Variants in PRRC1 observed in about 807,000 individuals in gnomAD.
PRRC1 encodes protein PRRC1.
PRRC1 carries 39 observed loss-of-function variants against 40.7 expected under a neutral mutation model. That is an observed-to-expected ratio of 0.96 (90% CI 0.74 to 1.25). The LOEUF is 1.25. Among genes scored for constraint, PRRC1 ranks in the 50% most tolerant of loss-of-function variants. The pLI is 0.00. For synonymous variants in PRRC1, 175 were observed against 193.3 expected (o/e 0.91, Z 0.79); for missense variants, 573 against 548.3 (o/e 1.05, Z -0.45).
At position 127,523,442 on chromosome 5, in the gene PRRC1, A is replaced by G. The variant is rs761373646; in HGVS notation, c.-20-18A>G. 3 of 1,288,094 alleles carry G rather than the reference A, an allele frequency of 2.3e-6. No individual in the cohort carries two copies. Among genetic ancestry groups the G allele is most frequent in the Non-Finnish European group, 3.3e-6 (3 of 912,078 alleles). 79.8% of individuals were successfully genotyped at this position (1,288,094 alleles called of 1,614,324 possible). A position where few individuals can be genotyped will look rare whatever the true frequency, so the allele number is the denominator to read the frequency against. Reference sequence around the variant, plus strand: ...TTGGTTACTGTGTAATATTTGTTACATTTTTGTGTTTTTATAGTATACCAT... The same window carrying G: ...TTGGTTACTGTGTAATATTTGTTACGTTTTTGTGTTTTTATAGTATACCAT... On this transcript the variant is annotated intron_variant, in intron 1 of 8. Transcript: ENST00000296666.
chr5:127,530,777 CTA>C (rs1270725175), intron 5 of PRRC1, among the ~76,000 whole-genome samples: 2 of 143,554 alleles, frequency 1.4e-5, no homozygotes, highest in Non-Finnish European at 3.1e-5. Flanking sequence ...CTCCTGTTAT[CTA>C]TTTTAATTAA....
chr5:127,539,037 T>G lies in PRRC1; in HGVS notation c.922-3T>G. 3 of 1,611,388 alleles carry G rather than the reference T, an allele frequency of 1.9e-6. No homozygotes were observed. The highest frequency in any genetic ancestry group is 1.1e-5 in the South Asian group (1 of 90,948). Reference sequence around the variant, plus strand: ...GTCTCTAACCTCTGCCATTGTTGTTTAGGGTGCTCAGGAACGGATAGATAG... The same window carrying G: ...GTCTCTAACCTCTGCCATTGTTGTTGAGGGTGCTCAGGAACGGATAGATAG... On this transcript the variant is annotated splice_polypyrimidine_tract_variant and splice_region_variant and intron_variant, in intron 6 of 8. Coordinates refer to ENST00000296666, the MANE Select transcript of PRRC1 (RefSeq NM_130809.5).
In PRRC1 at chr5:127,552,179, A is replaced by G. The variant is rs1768410714; in HGVS notation, c.*263A>G. 1 of 1,210,210 alleles carries G rather than the reference A, an allele frequency of 8.3e-7. No individual in the cohort carries two copies. Among genetic ancestry groups the G allele is most frequent in the African/African-American group, 1.5e-5 (1 of 65,234 alleles). 75.0% of individuals were successfully genotyped at this position (1,210,210 alleles called of 1,614,324 possible). A position where few individuals can be genotyped will look rare whatever the true frequency, so the allele number is the denominator to read the frequency against. On this transcript the variant is annotated 3_prime_UTR_variant, in exon 9 of 9. Coordinates refer to ENST00000296666, the MANE Select transcript of PRRC1 (RefSeq NM_130809.5). The stretch of plus-strand genomic sequence containing the variant: ...TACAAATCTATTTACAGCACAATTT[A>G]ATATACCAGATTTATAAGGTGGAAA...
chr5:127,548,301 T>C, intron 8 of PRRC1: 2 of 388,684 alleles, frequency 5.1e-6, no homozygotes, highest in South Asian at 7.6e-5. Context: ...CCCTTTTCCT[T>C]GATTGATTGT....
chr5:127,546,029 T>G (rs921070693), intron 7 of PRRC1, among the ~76,000 whole-genome samples: 1 of 152,222 alleles, frequency 6.6e-6, no homozygotes, highest in Non-Finnish European at 1.5e-5. Flanking sequence ...CTTCAAAACT[T>G]GCTTCTGGCC....
chr5:127,527,838 C>T (rs371580388), intron 4 of PRRC1, among the ~76,000 whole-genome samples: 3 of 150,972 alleles, frequency 2.0e-5, no homozygotes, highest in Non-Finnish European at 4.4e-5. Flanking sequence ...TTTTTTCCTC[C>T]GAATTAATTC....
chr5:127,531,617 C>CTTTTTTTTTTTTTTTTTTTTTTTTTTTT (rs60179366), intron 5 of PRRC1, among the ~76,000 whole-genome samples: 4 of 99,680 alleles, frequency 4.0e-5, no homozygotes, highest in African/African-American at 1.9e-4. Flanking sequence ...TCTTCTTCTT[C>CTTTTTTTTTTTTTTTTTTTTTTTTTTTT]TTTTTTTTTT....
At chr5:127,529,696 A>T (rs1561681406) in intron 4 of PRRC1, among the ~76,000 whole-genome samples, 1 of 152,134 alleles carries the variant, frequency 6.6e-6, no homozygotes, top group African/African-American at 2.4e-5. Flanking sequence ...TTTAGTAGTA[A>T]CGGCTCTAAG....
At position 127,530,685 on chromosome 5, in the gene PRRC1, A is replaced by G. The variant is rs73786123; in HGVS notation, c.757+289A>G. ...ATTTTAATTTTAAATATAGGTTAGCATTGCTTTATATGAATTTTACTTTAT... is the reference window on the plus strand; with the variant it reads ...ATTTTAATTTTAAATATAGGTTAGCGTTGCTTTATATGAATTTTACTTTAT... On this transcript the variant is annotated intron_variant, in intron 5 of 8. Coordinates refer to ENST00000296666, the MANE Select transcript of PRRC1 (RefSeq NM_130809.5). 6.2e-3 allele frequency among the ~76,000 whole-genome samples: 944 copies of G among 151,714 alleles called. 10 individuals carry two copies. The highest frequency in any genetic ancestry group is 0.022 in the African/African-American group (907 of 41,382).
chr5:127,544,986 A>AT (rs2127113630), intron 7 of PRRC1, among the ~76,000 whole-genome samples: 1 of 152,296 alleles, frequency 6.6e-6, no homozygotes, highest in East Asian at 1.9e-4. Context: ...TCACGCTGGG[A>AT]GCTGTAGACA....
chr5:127,518,917 ATTGTT>A (rs1767387158), intron 1 of PRRC1, among the ~76,000 whole-genome samples: 1 of 152,102 alleles, frequency 6.6e-6, no homozygotes, highest in Admixed American at 6.6e-5. Context: ...ACACTTCAGT[ATTGTT>A]TTATCATAAT....
chr5:127,549,766 G>A (rs1014071355), intron 8 of PRRC1: 2 of 152,092 alleles, frequency 1.3e-5, no homozygotes, highest in Non-Finnish European at 2.9e-5. Context: ...CTTACTTATT[G>A]TTTATAGCTG....
intron 5 of PRRC1, 139 bp from the exon 6 acceptor site, chr5:127,533,484 A>G: frequency 2.6e-6 from 2 of 777,280 alleles, no homozygotes; most frequent in Admixed American, 3.1e-5. Flanking sequence ...CATATAAAAA[A>G]GATAATGATC....
intron 7 of PRRC1, among the ~76,000 whole-genome samples, chr5:127,544,764 T>A (rs1768163603): frequency 6.6e-6 from 1 of 152,084 alleles, no homozygotes. Context: ...AGTGACCCGA[T>A]TTTCCAGGTT....
chr5:127,538,233 CCTT>C (rs1389835223), intron 6 of PRRC1, among the ~76,000 whole-genome samples: 1 of 151,948 alleles, frequency 6.6e-6, no homozygotes, highest in Admixed American at 6.6e-5. Flanking sequence ...TGTGTCCTAG[CCTT>C]CTTAATTTTC....
intron 6 of PRRC1, 28 bp downstream of exon 6, chr5:127,533,814 C>T: frequency 6.2e-7 from 1 of 1,609,536 alleles, no homozygotes; most frequent in South Asian, 1.1e-5. Flanking sequence ...ATTTTCAGGA[C>T]ATGGAAACTG....
At chr5:127,525,028 A>C (rs911711377) in intron 3 of PRRC1, 108 bp downstream of exon 3, 54 of 1,112,078 alleles carry the variant, frequency 4.9e-5, no homozygotes, top group Non-Finnish European at 6.2e-5. Flanking sequence ...CAATTCACCC[A>C]ATTCAAAGCA....
chr5:127,530,853 T>A (rs964000721), intron 5 of PRRC1, among the ~76,000 whole-genome samples: 2 of 152,132 alleles, frequency 1.3e-5, no homozygotes, highest in African/African-American at 4.8e-5. Context: ...TAATATCTAA[T>A]GACTGGGTAT....
intron 7 of PRRC1, among the ~76,000 whole-genome samples, chr5:127,542,555 C>G (rs1768078518): frequency 6.6e-6 from 1 of 150,798 alleles, no homozygotes; most frequent in Non-Finnish European, 1.5e-5. Flanking sequence ...AATCTGGGTG[C>G]TCCTGTATTG....
Sources: gnomAD v4.1 joint callset for allele counts (sites outside exome capture counted in the v4.1 genomes callset) on GRCh38, gnomAD v4.1.1 for gene constraint, MANE v1.5 for transcripts, NCBI Gene and HGNC (gene_info 2026-07-23, HGNC 2026-07-21) for gene names.